ZBTB17: variants seen among roughly 807,000 people sequenced by gnomAD.
The protein encoded by ZBTB17 is zinc finger and BTB domain containing 17.
Under a neutral mutation model 85.1 loss-of-function variants are expected in ZBTB17, and 24 were observed. The observed-to-expected ratio is 0.28, with a 90% CI of 0.20 to 0.40. The LOEUF (loss-of-function observed/expected upper bound fraction) is 0.40. ZBTB17 is among the 10% of genes least tolerant of loss of function. The pLI is 1.00. For synonymous variants in ZBTB17, 464 were observed against 460.2 expected, an observed-to-expected ratio of 1.01 and a Z score of -0.11; for missense variants, 743 against 1,105.1, an observed-to-expected ratio of 0.67 and a Z score of 4.65.
In ZBTB17 at chr1:15,942,413, C is replaced by G. The variant is rs532974892; in HGVS notation, c.2046G>C (p.Pro682=). Residue 682 remains proline (P), a synonymous_variant, in exon 15 of 16, where the codon CCG becomes CCC. Coordinates refer to ENST00000375743, the MANE Select transcript of ZBTB17 (RefSeq NM_003443.3). Reference sequence around the variant, plus strand: ...CATCGGCTGTCACTGCAGCTCCCACCGGCACCACTGCGGGCAGAGTCGCAG... The same window carrying G: ...CATCGGCTGTCACTGCAGCTCCCACGGGCACCACTGCGGGCAGAGTCGCAG... The part of the protein sequence containing the change: ...ATAVTQLTVV[P]VGAAVTADET... 1.2e-6 allele frequency: 2 copies of G among 1,613,366 alleles called. No homozygotes were observed. The highest frequency in any genetic ancestry group is 1.3e-5 in the African/African-American group (1 of 75,070).
chr1:15,961,805 G>A (rs2072269186), intron 2 of ZBTB17, among the ~76,000 whole-genome samples: 1 of 152,214 alleles, frequency 6.6e-6, no homozygotes, highest in African/African-American at 2.4e-5. Flanking sequence ...CCAGGGAGGT[G>A]GGGGGAATGG....
rs1046124947 is a variant in ZBTB17, at chr1:15,953,533, A to G, written c.-2-5036T>C. Among the ~76,000 whole-genome samples the G allele has an allele frequency of 1.3e-5, 2 of 152,242 alleles. No individual in the cohort carries two copies. Among genetic ancestry groups the G allele is most frequent in the African/African-American group, 4.8e-5 (2 of 41,464 alleles). On this transcript the variant is annotated intron_variant, in intron 2 of 15. Transcript: ENST00000375743. The surrounding 1 kb of genome is among the most constrained non-coding windows in gnomAD (Gnocchi z 5.1). ...GGATTTGGAAGGGCTGGCCCCAGAA[A>G]GCACAACCCATTGCATCTGTCTTGC...
chr1:15,975,983 C>T lies in ZBTB17; in HGVS notation c.-90G>A, dbSNP rs1435119819. ...GCCCCGGGCGATTGTTGACACTCAC[C>T]TGCCATGTCCCGGACCCCACCGCAG... On this transcript the variant is annotated splice_region_variant and 5_prime_UTR_variant, in exon 1 of 16. Transcript: ENST00000375743. 4 of 700,120 alleles carry T rather than the reference C, an allele frequency of 5.7e-6. No individual in the cohort carries two copies. The highest frequency in any genetic ancestry group is 1.0e-5 in the Non-Finnish European group (4 of 383,652). 43.4% of individuals were successfully genotyped at this position (700,120 alleles called of 1,614,324 possible).
At chr1:15,971,493 ATATATATATACACACACAC>A (rs1187365786) in intron 2 of ZBTB17, among the ~76,000 whole-genome samples, 29,303 of 69,752 alleles carry the variant, frequency 0.42, 8,651 homozygotes, top group East Asian at 0.52. Context: ...TACACACACT[ATATATATATACACACACAC>A]TATATATATA....
rs556686792 is a variant in ZBTB17, at chr1:15,964,200, T to TA, written c.-3+8838dup. ...AAGTGGAAGAGAAAGTGATAGCAATTAAAGTGTTCTCAGGTCCTCACTGTT... is the reference window on the plus strand; with the variant it reads ...AAGTGGAAGAGAAAGTGATAGCAATTAAAAGTGTTCTCAGGTCCTCACTGTT... On this transcript the variant is annotated intron_variant, in intron 2 of 15. Transcript: ENST00000375743. The surrounding 1 kb of genome is among the most constrained non-coding windows in gnomAD (Gnocchi z 4.3). Among the ~76,000 whole-genome samples, 253 of 152,148 alleles carry TA rather than the reference T, an allele frequency of 1.7e-3. 1 individual carries two copies. Among genetic ancestry groups the TA allele is most frequent in the Middle Eastern group, 6.8e-3 (2 of 294 alleles).
At chr1:15,956,990 C>T (rs1557786276) in intron 2 of ZBTB17, among the ~76,000 whole-genome samples, 1 of 151,918 alleles carries the variant, frequency 6.6e-6, no homozygotes, top group African/African-American at 2.4e-5. Context: ...ACCAGCCTGG[C>T]CGACATAGTG....
At chr1:15,955,235 C>A (rs2072004191) in intron 2 of ZBTB17, among the ~76,000 whole-genome samples, 1 of 152,144 alleles carries the variant, frequency 6.6e-6, no homozygotes, top group African/African-American at 2.4e-5. Flanking sequence ...GAGCATGAAA[C>A]CTACCTGCCC....
rs1186818533 is a variant in ZBTB17, at chr1:15,971,634, G to GA, written c.-3+1404dup. On this transcript the variant is annotated intron_variant, in intron 2 of 15. Coordinates refer to ENST00000375743, the MANE Select transcript of ZBTB17 (RefSeq NM_003443.3). Reference sequence around the variant, plus strand: ...ATATAAAATATATATTTTGCTGACAGAAAAAAAAAAACGAAAAGGTTGGGG... The same window carrying GA: ...ATATAAAATATATATTTTGCTGACAGAAAAAAAAAAAACGAAAAGGTTGGGG... Among the ~76,000 whole-genome samples the GA allele has an allele frequency of 4.7e-4, 65 of 137,472 alleles. 1 individual carries two copies. Among genetic ancestry groups the GA allele is most frequent in the East Asian group, 1.3e-3 (6 of 4,762 alleles). The allele number at this position is 137,472 out of a possible 152,430, so 90.2% of individuals were successfully genotyped here. A position where few individuals can be genotyped will look rare whatever the true frequency, so the allele number is the denominator to read the frequency against.
chr1:15,969,723 G>A, intron 2 of ZBTB17: 1 of 482,256 alleles, frequency 2.1e-6, no homozygotes, highest in Non-Finnish European at 4.1e-6. Context: ...TCAACACCAG[G>A]GAGTCTGTGG....
chr1:15,966,837 G>A lies in ZBTB17; in HGVS notation c.-3+6202C>T, dbSNP rs1205037047. The stretch of plus-strand genomic sequence containing the variant: ...GTGGGAGGATCGCTTGAGCCCTGGA[G>A]GTCGAGGCTGCAGTGAGCTATAATC... On this transcript the variant is annotated intron_variant, in intron 2 of 15. Transcript: ENST00000375743. This position sits in a 1 kb window ranked among gnomAD's most constrained non-coding sequence, Gnocchi z 4.1. 6.6e-6 allele frequency among the ~76,000 whole-genome samples: 1 copy of A among 151,940 alleles called. No homozygotes were observed. Among genetic ancestry groups the A allele is most frequent in the Non-Finnish European group, 1.5e-5 (1 of 67,998 alleles).
At chr1:15,972,086 C>T (rs1033699095) in intron 2 of ZBTB17, among the ~76,000 whole-genome samples, 1 of 152,168 alleles carries the variant, frequency 6.6e-6, no homozygotes, top group Non-Finnish European at 1.5e-5. Flanking sequence ...CCTTCCAGCG[C>T]CAGTGCATCC....
chr1:15,954,577 A>C (rs1338062985), intron 2 of ZBTB17, among the ~76,000 whole-genome samples: 1 of 152,172 alleles, frequency 6.6e-6, no homozygotes, highest in Non-Finnish European at 1.5e-5. Flanking sequence ...CTTCCAAAGG[A>C]GCCAGGCACG....
chr1:15,956,851 C>T lies in ZBTB17; in HGVS notation c.-2-8354G>A, dbSNP rs573871320. The stretch of plus-strand genomic sequence containing the variant: ...AGTGCTGTGGAGAAACTAAAGCAAG[C>T]TGAGCAGATCGAGAGGCAGGGGCTA... On this transcript the variant is annotated intron_variant, in intron 2 of 15. Coordinates refer to ENST00000375743, the MANE Select transcript of ZBTB17 (RefSeq NM_003443.3). Among the ~76,000 whole-genome samples, 16 of 152,252 alleles carry T rather than the reference C, an allele frequency of 1.1e-4. No individual in the cohort carries two copies. The South Asian group carries it at 2.7e-3, about 26-fold the overall frequency.
chr1:15,973,708 C>T lies in ZBTB17; in HGVS notation c.-89-583G>A, dbSNP rs921566950. On this transcript the variant is annotated intron_variant, in intron 1 of 15. Coordinates refer to ENST00000375743, the MANE Select transcript of ZBTB17 (RefSeq NM_003443.3). The surrounding 1 kb of genome is among the most constrained non-coding windows in gnomAD (Gnocchi z 4.1). ...GGGTGATCCTGACTCCTCCCTGCCC[C>T]TAACTCTCATCAAACTAATCACCAA... 6.6e-6 allele frequency among the ~76,000 whole-genome samples: 1 copy of T among 152,204 alleles called. No homozygotes were observed. Among genetic ancestry groups the T allele is most frequent in the Non-Finnish European group, 1.5e-5 (1 of 68,032 alleles).
chr1:15,972,686 A>C (rs940343459), intron 2 of ZBTB17, among the ~76,000 whole-genome samples: 4 of 152,160 alleles, frequency 2.6e-5, no homozygotes, highest in Admixed American at 1.3e-4. Context: ...TATCAAAGGA[A>C]TCCTGCTCCC....
intron 2 of ZBTB17, chr1:15,969,923 T>A: frequency 1.5e-6 from 1 of 656,088 alleles, no homozygotes; most frequent in South Asian, 1.5e-5. Context: ...CAGGTGTGAA[T>A]CTGCCCTCCC....
rs2148803860 is a variant in ZBTB17, at chr1:15,964,302, T to C, written c.-3+8737A>G. On this transcript the variant is annotated intron_variant, in intron 2 of 15. Coordinates refer to ENST00000375743, the MANE Select transcript of ZBTB17 (RefSeq NM_003443.3). The surrounding 1 kb of genome is among the most constrained non-coding windows in gnomAD (Gnocchi z 4.3). ...TAAATTGAAAGCTATACCACATTTA[T>C]GGATCAGATGACTCAACATCATAAA... 6.6e-6 allele frequency among the ~76,000 whole-genome samples: 1 copy of C among 152,350 alleles called. No individual in the cohort carries two copies. The highest frequency in any genetic ancestry group is 1.9e-4 in the East Asian group (1 of 5,192).
chr1:15,942,593 A>G lies in ZBTB17; in HGVS notation c.1974T>C (p.Thr658=). The change falls in exon 14 of 16, where the codon ACT becomes ACC. Residue 658 remains threonine, a synonymous_variant. Transcript: ENST00000375743. ...PEEGSEVSVV[T]VDDMVTLATE... is the part of the protein sequence containing the mutation. ...TAGCCAGCGTGACCATGTCATCCAC[A>G]GTGACCACGCTGACCTCACTGCCCT... 2 of 1,613,124 alleles carry G rather than the reference A, an allele frequency of 1.2e-6. No homozygotes were observed. The highest frequency in any genetic ancestry group is 1.7e-6 in the Non-Finnish European group (2 of 1,180,046).
In ZBTB17 at chr1:15,948,433, C is replaced by T. The variant is rs1209012889; in HGVS notation, c.63G>A (p.Gly21=). 1.2e-6 allele frequency: 2 copies of T among 1,613,912 alleles called. No homozygotes were observed. Among genetic ancestry groups the T allele is most frequent in the Non-Finnish European group, 8.5e-7 (1 of 1,180,060 alleles). ...CCACAAAGGTGCAGTCACAGAGAAG[C>T]CCCAGCTGCCGCTGCTGGTTCAGCT... is the stretch of plus-strand genomic sequence containing the variant. The part of the protein sequence containing the change: ...LEQLNQQRQL[G]LLCDCTFVVD... Residue 21 remains glycine, a synonymous_variant, in exon 3 of 16, where the codon GGG becomes GGA. Transcript: ENST00000375743.
Sources: allele counts gnomAD v4.1 joint callset (sites outside exome capture counted in the v4.1 genomes callset), GRCh38; gene constraint gnomAD v4.1.1; non-coding constraint Gnocchi (gnomAD v3.1); transcripts MANE v1.5; gene names NCBI Gene and HGNC (gene_info 2026-07-23, HGNC 2026-07-21).